Variants in FAM171A2 observed in about 807,000 individuals in gnomAD.
FAM171A2 encodes family with sequence similarity 171 member A2.
FAM171A2 carries 13 observed loss-of-function variants against 34.2 expected under a neutral mutation model. The observed-to-expected ratio is 0.38, with a 90% CI of 0.25 to 0.60. The LOEUF (loss-of-function observed/expected upper bound fraction) is 0.60. FAM171A2 is among the 20% of genes least tolerant of loss of function. The pLI is 0.62. For missense variants in FAM171A2, 950 were observed against 1,180.7 expected (o/e 0.80, Z 2.86); for synonymous variants, 475 against 561.2 (o/e 0.85, Z 2.17).
intron 1 of FAM171A2, 123 bp downstream of exon 1, chr17:44,363,474 C>G (rs867924628): frequency 4.1e-5 from 18 of 436,842 alleles, no homozygotes; most frequent in African/African-American, 1.8e-4. Flanking sequence ...TAGCTCCCCC[C>G]ACCCGAATCC....
At chr17:44,363,044 G>C (rs374193571) in intron 1 of FAM171A2, among the ~76,000 whole-genome samples, 1 of 152,220 alleles carries the variant, frequency 6.6e-6, no homozygotes, top group Non-Finnish European at 1.5e-5. Flanking sequence ...GCTGGGAGCT[G>C]TCAGGCTCCA....
rs2048413365 is a variant in FAM171A2, at chr17:44,354,825, C to A, written c.1389G>T (p.Gly463=). 3.9e-6 allele frequency: 5 copies of A among 1,281,392 alleles called. No homozygotes were observed. Among genetic ancestry groups the A allele is most frequent in the African/African-American group, 1.6e-5 (1 of 64,200 alleles). 79.4% of individuals were successfully genotyped at this position (1,281,392 alleles called of 1,614,324 possible). The change falls in exon 8 of 8, where the codon GGG becomes GGT. Residue 463 remains glycine (G), a synonymous_variant. Coordinates refer to ENST00000293443, the MANE Select transcript of FAM171A2 (RefSeq NM_198475.3). The surrounding 1 kb of genome is among the most constrained non-coding windows in gnomAD (Gnocchi z 5.8). Reference sequence around the variant, plus strand: ...GCAGGAAGGCCGCAGCCCCCGAGGGCCCCCGCCGGTGCTCCTCTAGGCCGG... The same window carrying A: ...GCAGGAAGGCCGCAGCCCCCGAGGGACCCCGCCGGTGCTCCTCTAGGCCGG... The part of the protein sequence containing the change: ...LEPGLEEHRR[G]PSGAAAFLHE...
intron 1 of FAM171A2, 121 bp from the exon 2 acceptor site, chr17:44,360,253 A>T: frequency 1.2e-6 from 1 of 804,482 alleles, no homozygotes. Context: ...AGGCTAGAGA[A>T]GGCATGATTT....
Position 44,356,591 on chromosome 17 carries a change from G to A in FAM171A2, c.440-3C>T. On this transcript the variant is annotated splice_polypyrimidine_tract_variant and splice_region_variant and intron_variant, in intron 3 of 7. Transcript: ENST00000293443. Reference sequence around the variant, plus strand: ...CACCAAGGGCTGGGAGCGGGCACCTGGAGGGAAAGAGGGGCTGCAGTGGCT... The same window carrying A: ...CACCAAGGGCTGGGAGCGGGCACCTAGAGGGAAAGAGGGGCTGCAGTGGCT... 1.3e-6 allele frequency: 2 copies of A among 1,539,144 alleles called. No homozygotes were observed. The highest frequency in any genetic ancestry group is 2.5e-5 in the East Asian group (1 of 40,736).
At chr17:44,359,277 C>A (rs1423249863) in intron 3 of FAM171A2, 3 of 393,380 alleles carry the variant, frequency 7.6e-6, no homozygotes, top group Non-Finnish European at 1.4e-5. Context: ...TCTGTGTAGA[C>A]CCATTGAAGA....
intron 2 of FAM171A2, 102 bp downstream of exon 2, chr17:44,359,803 C>G: frequency 1.5e-6 from 2 of 1,377,730 alleles, no homozygotes; most frequent in Non-Finnish European, 2.0e-6. Context: ...CAGGCAGCAG[C>G]TGCTGGAAAG....
intron 3 of FAM171A2, 153 bp downstream of exon 3, chr17:44,359,426 A>G: frequency 1.6e-6 from 1 of 643,000 alleles, no homozygotes; most frequent in South Asian, 1.9e-5. Flanking sequence ...TGATGTAGGC[A>G]CTAACCTTCC....
rs985617651 is a variant in FAM171A2, at chr17:44,354,920, C to G, written c.1294G>C (p.Gly432Arg). Residue 432 changes from glycine to arginine, a missense_variant, in exon 8 of 8, where the codon GGT (glycine) becomes CGT (arginine). Physicochemically the swap from Gly to Arg is moderately radical, Grantham distance 125 (BLOSUM62 -2). Around this residue, in one of 3 missense-constraint regions of FAM171A2, gnomAD observed 752 missense variants for 924.5 expected, o/e 0.81. Transcript: ENST00000293443. This position sits in a 1 kb window ranked among gnomAD's most constrained non-coding sequence, Gnocchi z 5.8. ...CCGGCGCTCTCGCCCCCGCGGGCACCCGAAGGCTCGGCGGCCGGGCGGCTG... is the reference window on the plus strand; with the variant it reads ...CCGGCGCTCTCGCCCCCGCGGGCACGCGAAGGCTCGGCGGCCGGGCGGCTG... Reference protein sequence around the residue: ...SASRPAAEPSGARGGESAGLK... With the variant: ...SASRPAAEPSRARGGESAGLK... 2 of 1,417,420 alleles carry G rather than the reference C, an allele frequency of 1.4e-6. No homozygotes were observed. Among genetic ancestry groups the G allele is most frequent in the African/African-American group, 3.0e-5 (2 of 66,084 alleles). 87.8% of individuals were successfully genotyped at this position (1,417,420 alleles called of 1,614,324 possible). A position where few individuals can be genotyped will look rare whatever the true frequency, so the allele number is the denominator to read the frequency against.
rs1399102326 is a variant in FAM171A2 at position 44,354,609 on chromosome 17, G to A, written c.1605C>T (p.Asn535=). Residue 535 remains asparagine, a synonymous_variant, in exon 8 of 8, where the codon AAC becomes AAT. Transcript: ENST00000293443. The surrounding 1 kb of genome is among the most constrained non-coding windows in gnomAD (Gnocchi z 5.8). ...IDHLKDNVYR[N]VMPTLVIPAH... Reference sequence around the variant, plus strand: ...CGGGGATCACCAGGGTGGGCATGACGTTGCGGTAGACGTTGTCCTTGAGGT... The same window carrying A: ...CGGGGATCACCAGGGTGGGCATGACATTGCGGTAGACGTTGTCCTTGAGGT... 13 of 1,258,486 alleles carry A rather than the reference G, an allele frequency of 1.0e-5. No homozygotes were observed. The South Asian group carries it at 1.0e-4, about 10-fold the overall frequency. 78.0% of individuals were successfully genotyped at this position (1,258,486 alleles called of 1,614,324 possible).
chr17:44,358,526 A>T (rs2048434849), intron 3 of FAM171A2, among the ~76,000 whole-genome samples: 1 of 152,124 alleles, frequency 6.6e-6, no homozygotes, highest in Admixed American at 6.5e-5. Context: ...AACCGTCTCT[A>T]CTAAAAATAC....
At position 44,355,073 on chromosome 17, in the gene FAM171A2, G is replaced by A. The variant is rs1241254626; in HGVS notation, c.1141C>T (p.Pro381Ser). The A allele has an allele frequency of 6.5e-6, 10 of 1,549,962 alleles. No homozygotes were observed. Among genetic ancestry groups the A allele is most frequent in the Non-Finnish European group, 8.7e-6 (10 of 1,146,584 alleles). Residue 381 changes from proline to serine, a missense_variant, in exon 8 of 8, where the codon CCC becomes TCC. Transcript: ENST00000293443. The surrounding 1 kb of genome is among the most constrained non-coding windows in gnomAD (Gnocchi z 4.1). The part of the protein sequence containing the change: ...MSQLHLICGG[P>S]LEPAPSGDPE... ...TCCCCCGACGGGGCGGGTTCCAGGGGTCCCCCACAGATGAGGTGGAGCTGG... is the reference window on the plus strand; with the variant it reads ...TCCCCCGACGGGGCGGGTTCCAGGGATCCCCCACAGATGAGGTGGAGCTGG...
In FAM171A2 at chr17:44,355,612, T is replaced by C. The variant is rs1598368471; in HGVS notation, c.1022+103A>G. On this transcript the variant is annotated intron_variant, in intron 7 of 7. Transcript: ENST00000293443. The surrounding 1 kb of genome is among the most constrained non-coding windows in gnomAD (Gnocchi z 4.1). ...GTCTTAGCATGTTTGCAGGAAGTCT[T>C]TTCCTGTCTGCCCCTTGAGGACCAG... The C allele has an allele frequency of 6.8e-7, 1 of 1,464,404 alleles. No homozygotes were observed. Among genetic ancestry groups the C allele is most frequent in the East Asian group, 2.5e-5 (1 of 40,344 alleles). The allele number at this position is 1,464,404 out of a possible 1,614,324, so 90.7% of individuals were successfully genotyped here. A position where few individuals can be genotyped will look rare whatever the true frequency, so the allele number is the denominator to read the frequency against.
intron 1 of FAM171A2, among the ~76,000 whole-genome samples, chr17:44,360,386 G>A (rs708383): frequency 0.46 from 70,226 of 152,096 alleles, 18,222 homozygotes; most frequent in African/African-American, 0.72. Context: ...TTCTAAACTC[G>A]GGCTATGCCT....
rs996231895 is a variant in FAM171A2 at position 44,363,807 on chromosome 17, A to C, written c.-93T>G. On this transcript the variant is annotated 5_prime_UTR_variant, in exon 1 of 8. Coordinates refer to ENST00000293443, the MANE Select transcript of FAM171A2 (RefSeq NM_198475.3). ...GCCCCAGCTCTGCGCCGCGCCTCGC[A>C]GCTCCGGCTCCCGCTCCCGCTGCGG... 2.2e-3 allele frequency: 1,135 copies of C among 518,234 alleles called. 2 individuals are homozygous for C. Among genetic ancestry groups the C allele is most frequent in the Non-Finnish European group, 2.8e-3 (1,025 of 359,670 alleles). The allele number at this position is 518,234 out of a possible 1,614,324, so 32.1% of individuals were successfully genotyped here. A position where few individuals can be genotyped will look rare whatever the true frequency, so the allele number is the denominator to read the frequency against.
chr17:44,362,263 A>G (rs191532970), intron 1 of FAM171A2, among the ~76,000 whole-genome samples: 58 of 152,190 alleles, frequency 3.8e-4, no homozygotes, highest in African/African-American at 1.4e-3. Context: ...GGGGCGTCCT[A>G]AGAAACTAGG....
At position 44,359,660 on chromosome 17, in the gene FAM171A2, C is replaced by T; in HGVS notation, c.358G>A (p.Val120Ile). The stretch of plus-strand genomic sequence containing the variant: ...CGCTCAGGGAGCAGGTAGAGGCTGA[C>T]AGACGCATACACTGCGGGAGGGATG... ...RVDKLPLYAS[V>I]SLYLLPERPA... The change falls in exon 3 of 8, where the codon GTC becomes ATC. Residue 120 changes from valine (V) to isoleucine (I), a missense_variant. Val to Ile is a conservative substitution (Grantham distance 29). Around this residue, in one of 3 missense-constraint regions of FAM171A2, gnomAD observed 752 missense variants for 924.5 expected, o/e 0.81. Transcript: ENST00000293443. The T allele has an allele frequency of 6.4e-7, 1 of 1,550,716 alleles. No homozygotes were observed.
In FAM171A2 at chr17:44,363,583, C is replaced by T. The variant is rs544846094; in HGVS notation, c.118+14G>A. On this transcript the variant is annotated intron_variant, in intron 1 of 7. Transcript: ENST00000293443. ...GCAGGCCCGCGATCGCGGCCCCTCCCGGCTGAGACTCACCCTGCGGGCTGG... is the reference window on the plus strand; with the variant it reads ...GCAGGCCCGCGATCGCGGCCCCTCCTGGCTGAGACTCACCCTGCGGGCTGG... 2.4e-4 allele frequency: 285 copies of T among 1,211,962 alleles called. 1 individual carries two copies. In the African/African-American group the frequency reaches 3.6e-3, roughly 15 times the overall value. The allele number at this position is 1,211,962 out of a possible 1,614,324, so 75.1% of individuals were successfully genotyped here.
At chr17:44,359,050 C>G (rs1183045204) in intron 3 of FAM171A2, 2 of 155,988 alleles carry the variant, frequency 1.3e-5, no homozygotes, top group Admixed American at 1.3e-4. Flanking sequence ...TTGCAATGAT[C>G]TGTCTTCCTA....
rs1193364106 is a variant in FAM171A2 at position 44,355,075 on chromosome 17, C to A, written c.1139G>T (p.Gly380Val). Reference sequence around the variant, plus strand: ...CCCCGACGGGGCGGGTTCCAGGGGTCCCCCACAGATGAGGTGGAGCTGGGA... The same window carrying A: ...CCCCGACGGGGCGGGTTCCAGGGGTACCCCACAGATGAGGTGGAGCTGGGA... Reference protein sequence around the residue: ...SMSQLHLICGGPLEPAPSGDP... With the variant: ...SMSQLHLICGVPLEPAPSGDP... The change falls in exon 8 of 8, where the codon GGA becomes GTA. Residue 380 changes from glycine (G) to valine (V), a missense_variant. Gly to Val is a moderately radical substitution (Grantham distance 109). Transcript: ENST00000293443. The surrounding 1 kb of genome is among the most constrained non-coding windows in gnomAD (Gnocchi z 4.1). The A allele has an allele frequency of 6.5e-7, 1 of 1,549,786 alleles. No individual in the cohort carries two copies. Among genetic ancestry groups the A allele is most frequent in the Admixed American group, 2.0e-5 (1 of 50,818 alleles).
Sources: allele counts gnomAD v4.1 joint callset (sites outside exome capture counted in the v4.1 genomes callset), GRCh38; gene constraint gnomAD v4.1.1; regional missense constraint gnomAD v4.1.1; non-coding constraint Gnocchi (gnomAD v3.1); transcripts MANE v1.5; gene names NCBI Gene and HGNC (gene_info 2026-07-23, HGNC 2026-07-21).